NDUFS1: variants seen among roughly 807,000 people sequenced by gnomAD.
NDUFS1 encodes the protein NADH-ubiquinone oxidoreductase 75 kDa subunit, mitochondrial.
In NDUFS1, 61 loss-of-function variants were observed where a neutral mutation model predicts 84.4. The ratio of observed to expected loss-of-function variants is 0.72; its 90% CI spans 0.59 to 0.89. The LOEUF (loss-of-function observed/expected upper bound fraction) is 0.89. NDUFS1 is among the 40% of genes least tolerant of loss of function. The pLI, the probability that NDUFS1 is intolerant of heterozygous loss-of-function variation, is 0.00. For missense variants in NDUFS1, 891 were observed against 890.0 expected (o/e 1.00, Z -0.01); for synonymous variants, 275 against 290.0 (o/e 0.95, Z 0.53).
At position 206,132,585 on chromosome 2, in the gene NDUFS1, T is replaced by C. The variant is rs1343999556; in HGVS notation, c.1553+360A>G. ...CCCTGTCTCAAAACAAAAAGCCAAA[T>C]AATTAAAAAGAAAAAAAAAGAAAGA... On this transcript the variant is annotated intron_variant, in intron 14 of 18. Coordinates refer to ENST00000233190, the MANE Select transcript of NDUFS1 (RefSeq NM_005006.7). 2.0e-5 allele frequency among the ~76,000 whole-genome samples: 3 copies of C among 151,842 alleles called. No individual in the cohort carries two copies. In the East Asian group the frequency reaches 5.8e-4, roughly 29 times the overall value.
intron 13 of NDUFS1, 47 bp downstream of exon 13, chr2:206,138,438 T>A: frequency 6.3e-7 from 1 of 1,583,558 alleles, no homozygotes; most frequent in Non-Finnish European, 8.7e-7. Context: ...GTTTAAATAA[T>A]AATAATTAAA....
rs1691108644 is a variant in NDUFS1, at chr2:206,121,965, A to G, written c.*2220T>C. 6.6e-6 allele frequency: 1 copy of G among 152,202 alleles called. No individual in the cohort carries two copies. The highest frequency in any genetic ancestry group is 1.5e-5 in the Non-Finnish European group (1 of 68,036). The allele number at this position is 152,202 out of a possible 1,614,324, so 9.4% of individuals were successfully genotyped here. A position where few individuals can be genotyped will look rare whatever the true frequency, so the allele number is the denominator to read the frequency against. ...GTCCCCTCAAGATGAGCACAGTGCT[A>G]AGAGGTAAGAGATGGGAAGTTTGTA... On this transcript the variant is annotated 3_prime_UTR_variant, in exon 19 of 19. Transcript: ENST00000233190.
chr2:206,116,431 C>CAGGGCG lies in NDUFS1; in HGVS notation c.*7753_*7754insCGCCCT, dbSNP rs1690944352. On this transcript the variant is annotated 3_prime_UTR_variant, in exon 19 of 19. Transcript: ENST00000233190. Reference sequence around the variant, plus strand: ...TGCCAGGGCCTCGATAGGCAGGGCGCGGCAGGTGCCAGGACCACGTGCAGG... The same window carrying CAGGGCG: ...TGCCAGGGCCTCGATAGGCAGGGCGCAGGGCGGGCAGGTGCCAGGACCACGTGCAGG... 9.5e-6 allele frequency: 3 copies of CAGGGCG among 317,396 alleles called. No individual in the cohort carries two copies. The East Asian group carries it at 1.3e-4, about 13-fold the overall frequency. 19.7% of individuals were successfully genotyped at this position (317,396 alleles called of 1,614,324 possible).
At position 206,149,932 on chromosome 2, in the gene NDUFS1, GTAAAAAAA is replaced by G; in HGVS notation, c.154-15_154-8del. ...TGCCAACCTTCTCACAAGCCTAGAAGTAAAAAAAAAAAAAAAAAAAAAAAAAGCATTAG... is the reference window on the plus strand; with the variant it reads ...TGCCAACCTTCTCACAAGCCTAGAAGAAAAAAAAAAAAAAAAAAGCATTAG... On this transcript the variant is annotated splice_polypyrimidine_tract_variant and splice_region_variant and intron_variant, in intron 3 of 18. Coordinates refer to ENST00000233190, the MANE Select transcript of NDUFS1 (RefSeq NM_005006.7). 3.9e-6 allele frequency: 1 copy of G among 254,300 alleles called. No individual in the cohort carries two copies. The highest frequency in any genetic ancestry group is 6.6e-6 in the Non-Finnish European group (1 of 152,130). 15.8% of individuals were successfully genotyped at this position (254,300 alleles called of 1,614,324 possible). A position where few individuals can be genotyped will look rare whatever the true frequency, so the allele number is the denominator to read the frequency against.
chr2:206,130,556 TG>T (rs1447873867), intron 14 of NDUFS1, among the ~76,000 whole-genome samples: 1 of 152,152 alleles, frequency 6.6e-6, no homozygotes, highest in Non-Finnish European at 1.5e-5. Flanking sequence ...GGTTTCACCA[TG>T]TTGGCCAGGC....
chr2:206,123,119 A>C lies in NDUFS1; in HGVS notation c.*1066T>G, dbSNP rs1239118545. The C allele has an allele frequency of 6.6e-6, 1 of 152,002 alleles. No individual in the cohort carries two copies. The highest frequency in any genetic ancestry group is 1.5e-5 in the Non-Finnish European group (1 of 67,988). 9.4% of individuals were successfully genotyped at this position (152,002 alleles called of 1,614,324 possible). On this transcript the variant is annotated 3_prime_UTR_variant, in exon 19 of 19. Coordinates refer to ENST00000233190, the MANE Select transcript of NDUFS1 (RefSeq NM_005006.7). ...TCCTTTTTTATTTTTTTAAATTCTCAGTGATCCTTATTCTGATTCCTTTTG... is the reference window on the plus strand; with the variant it reads ...TCCTTTTTTATTTTTTTAAATTCTCCGTGATCCTTATTCTGATTCCTTTTG...
At position 206,127,803 on chromosome 2, in the gene NDUFS1, G is replaced by C. The variant is rs1559042799; in HGVS notation, c.1878C>G (p.Leu626=). The C allele has an allele frequency of 6.2e-7, 1 of 1,613,914 alleles. No individual in the cohort carries two copies. The highest frequency in any genetic ancestry group is 1.3e-5 in the African/African-American group (1 of 75,008). ...AATGACTCAGAAATTATACCTCAGAGAGTGCTCTTATAATTTTCCAGTCTT... is the reference window on the plus strand; with the variant it reads ...AATGACTCAGAAATTATACCTCAGACAGTGCTCTTATAATTTTCCAGTCTT... ...AREDWKIIRA[L]SEIAGMTLPY... is the part of the protein sequence containing the mutation. Residue 626 remains leucine, a synonymous_variant, in exon 16 of 19, where the codon CTC becomes CTG. Transcript: ENST00000233190.
In NDUFS1 at chr2:206,141,927, A is replaced by G. The variant is rs375212289; in HGVS notation, c.1262+14T>C. 1 of 1,606,790 alleles carries G rather than the reference A, an allele frequency of 6.2e-7. No homozygotes were observed. Among genetic ancestry groups the G allele is most frequent in the Middle Eastern group, 1.7e-4 (1 of 6,048 alleles). On this transcript the variant is annotated intron_variant, in intron 12 of 18. Coordinates refer to ENST00000233190, the MANE Select transcript of NDUFS1 (RefSeq NM_005006.7). ...ATAAATATTTTTAAACCTTGAATAA[A>G]TACTATTACCAACCTCTTTCGAATT...
Position 206,159,345 on chromosome 2 carries a change from TC to T in NDUFS1, c.-10del. The T allele has an allele frequency of 1.7e-6, 1 of 600,048 alleles. No homozygotes were observed. The highest frequency in any genetic ancestry group is 3.0e-6 in the Non-Finnish European group (1 of 337,428). The allele number at this position is 600,048 out of a possible 1,614,324, so 37.2% of individuals were successfully genotyped here. On this transcript the variant is annotated 5_prime_UTR_variant, in exon 1 of 19. Transcript: ENST00000233190. ...CCCATCCATACAAGACCTCACCTTC[TC>T]CCCGGAGCCGCGGAGGCTGTTCTGC...
intron 1 of NDUFS1, among the ~76,000 whole-genome samples, chr2:206,158,807 C>G (rs1687784104): frequency 6.6e-6 from 1 of 152,192 alleles, no homozygotes; most frequent in Admixed American, 6.5e-5. Flanking sequence ...TTTCAAAAGT[C>G]GTTTTTCTCA....
At chr2:206,159,160 G>A (rs1687806185) in intron 1 of NDUFS1, 181 bp downstream of exon 1, 2 of 1,535,472 alleles carry the variant, frequency 1.3e-6, no homozygotes, top group Admixed American at 2.0e-5. Flanking sequence ...TCAGACCAGA[G>A]ACCGTGGCTA....
chr2:206,129,970 G>T lies in NDUFS1; in HGVS notation c.1708+118C>A, dbSNP rs189777948. On this transcript the variant is annotated intron_variant, in intron 15 of 18. Coordinates refer to ENST00000233190, the MANE Select transcript of NDUFS1 (RefSeq NM_005006.7). ...TGTTTAAAAAAAAAGGAGGAGGAGT[G>T]GGGGAGGCAAAATTCTCAAATGGAA... The T allele has an allele frequency of 1.3e-4, 148 of 1,178,920 alleles. No homozygotes were observed. The African/African-American group carries it at 1.4e-3, about 11-fold the overall frequency. The allele number at this position is 1,178,920 out of a possible 1,614,324, so 73.0% of individuals were successfully genotyped here.
rs748698711 is a variant in NDUFS1 at position 206,126,837 on chromosome 2, C to A, written c.1892G>T (p.Gly631Val). The stretch of plus-strand genomic sequence containing the variant: ...CAGAGTATCATATGGAAGAGTCATT[C>A]CAGCAATCTACAACATGTCAGGTCC... ...KIIRALSEIA[G>V]MTLPYDTLDQ... The change falls in exon 17 of 19, where the codon GGA becomes GTA. Residue 631 changes from glycine (G) to valine (V), a missense_variant. Transcript: ENST00000233190. 1.1e-5 allele frequency: 18 copies of A among 1,614,020 alleles called. No homozygotes were observed. The highest frequency in any genetic ancestry group is 1.5e-5 in the Non-Finnish European group (18 of 1,179,986).
chr2:206,116,036 T>TCTATCCAC lies in NDUFS1; in HGVS notation c.*8141_*8148dup. 1.2e-6 allele frequency: 1 copy of TCTATCCAC among 826,880 alleles called. No homozygotes were observed. The highest frequency in any genetic ancestry group is 2.2e-6 in the Non-Finnish European group (1 of 464,032). The allele number at this position is 826,880 out of a possible 1,614,324, so 51.2% of individuals were successfully genotyped here. ...TGCTAAAAGTTGCTATTCTAAGTCT[T>TCTATCCAC]CTATCCACCACTAATTTAGGACAAC... is the stretch of plus-strand genomic sequence containing the variant. On this transcript the variant is annotated 3_prime_UTR_variant, in exon 19 of 19. Coordinates refer to ENST00000233190, the MANE Select transcript of NDUFS1 (RefSeq NM_005006.7).
At position 206,158,553 on chromosome 2, in the gene NDUFS1, A is replaced by G. The variant is rs1319233416; in HGVS notation, c.-5+788T>C. On this transcript the variant is annotated intron_variant, in intron 1 of 18. Transcript: ENST00000233190. ...CTAATTTCTGGTCGTTAATTTGTAG[A>G]GACCACTTTCCCGGATTTAAAAAGT... Among the ~76,000 whole-genome samples the G allele has an allele frequency of 2.6e-5, 4 of 152,234 alleles. No homozygotes were observed. The East Asian group carries it at 7.7e-4, about 29-fold the overall frequency.
Position 206,116,045 on chromosome 2 carries a change from C to A in NDUFS1, c.*8140G>T. ...TTGCTATTCTAAGTCTTCTATCCAC[C>A]ACTAATTTAGGACAACTCTGCTGGG... On this transcript the variant is annotated 3_prime_UTR_variant, in exon 19 of 19. Transcript: ENST00000233190. 1.2e-6 allele frequency: 1 copy of A among 859,626 alleles called. No homozygotes were observed. Among genetic ancestry groups the A allele is most frequent in the South Asian group, 1.3e-5 (1 of 75,426 alleles). The allele number at this position is 859,626 out of a possible 1,614,324, so 53.2% of individuals were successfully genotyped here.
At chr2:206,154,983 G>A (rs1687591434) in intron 1 of NDUFS1, among the ~76,000 whole-genome samples, 1 of 143,214 alleles carries the variant, frequency 7.0e-6, no homozygotes, top group East Asian at 2.1e-4. Context: ...TGGAGTGAGT[G>A]CAGTGGCACG....
At chr2:206,126,667 G>A in intron 17 of NDUFS1, 43 bp downstream of exon 17, 1 of 1,614,088 alleles carries the variant, frequency 6.2e-7, no homozygotes, top group South Asian at 1.1e-5. Flanking sequence ...TGTTACACCA[G>A]TAGATACAAC....
Position 206,147,847 on chromosome 2 carries a change from T to C in NDUFS1, c.339-13A>G. ...CATCACACCTTCCCTGTATGAAAAT[T>C]GTAACATATAAAATGACTCTCAAAT... On this transcript the variant is annotated splice_polypyrimidine_tract_variant and intron_variant, in intron 5 of 18. Transcript: ENST00000233190. 1.2e-6 allele frequency: 2 copies of C among 1,605,136 alleles called. No homozygotes were observed. The highest frequency in any genetic ancestry group is 1.7e-6 in the Non-Finnish European group (2 of 1,171,914).
Sources: gnomAD v4.1 joint callset for allele counts (sites outside exome capture counted in the v4.1 genomes callset) on GRCh38, gnomAD v4.1.1 for gene constraint, MANE v1.5 for transcripts, NCBI Gene and HGNC (gene_info 2026-07-23, HGNC 2026-07-21) for gene names.